ERBB4: variants seen among roughly 807,000 people sequenced by gnomAD.
ERBB4 encodes receptor tyrosine-protein kinase erbB-4.
Under a neutral mutation model 158.0 loss-of-function variants are expected in ERBB4, and 42 were observed. The ratio of observed to expected loss-of-function variants is 0.27; its 90% CI spans 0.21 to 0.34. The LOEUF (loss-of-function observed/expected upper bound fraction) is 0.34. ERBB4 is among the 10% of genes least tolerant of loss of function. ERBB4 has a pLI of 1.00. For missense variants in ERBB4, 1,333 were observed against 1,624.1 expected, an observed-to-expected ratio of 0.82 and a Z score of 3.08; for synonymous variants, 583 against 558.7, an observed-to-expected ratio of 1.04 and a Z score of -0.61.
At chr2:211,511,919 A>C (rs997066974) in intron 20 of ERBB4, among the ~76,000 whole-genome samples, 2 of 152,128 alleles carry the variant, frequency 1.3e-5, no homozygotes, top group Non-Finnish European at 2.9e-5. Context: ...ACTTACATGG[A>C]ACAATAAGGT....
intron 25 of ERBB4, among the ~76,000 whole-genome samples, chr2:211,395,711 T>G (rs2062900070): frequency 6.6e-6 from 1 of 152,088 alleles, no homozygotes; most frequent in African/African-American, 2.4e-5. Flanking sequence ...AATTAACATA[T>G]TAGTTAAAAG....
chr2:211,578,202 A>T (rs757957794), intron 19 of ERBB4, among the ~76,000 whole-genome samples: 1 of 152,134 alleles, frequency 6.6e-6, no homozygotes, highest in Non-Finnish European at 1.5e-5. Context: ...TCCCATTCAC[A>T]ATTGCTACAA....
chr2:212,386,833 G>A (rs2090692646), intron 1 of ERBB4, among the ~76,000 whole-genome samples: 1 of 151,916 alleles, frequency 6.6e-6, no homozygotes, highest in Admixed American at 6.6e-5. Context: ...TTTTAATATA[G>A]AGGTCATTAA....
chr2:212,209,490 C>T (rs59265615), intron 1 of ERBB4, among the ~76,000 whole-genome samples: 24,608 of 152,030 alleles, frequency 0.16, 2,420 homozygotes, highest in Non-Finnish European at 0.21. Context: ...ACATTTTGCT[C>T]GTCTACTCTC....
chr2:212,109,131 C>T (rs190073189), intron 2 of ERBB4, among the ~76,000 whole-genome samples: 6 of 152,244 alleles, frequency 3.9e-5, no homozygotes, highest in Admixed American at 3.9e-4. Context: ...AATGAACAAA[C>T]ATCTTTGGGT....
intron 2 of ERBB4, among the ~76,000 whole-genome samples, chr2:212,095,659 G>A (rs991265477): frequency 2.0e-5 from 3 of 152,146 alleles, no homozygotes; most frequent in African/African-American, 7.2e-5. Flanking sequence ...TTGGCCGGGC[G>A]CGGTGGCTCA....
chr2:212,234,854 T>C (rs1267090846), intron 1 of ERBB4, among the ~76,000 whole-genome samples: 1 of 152,094 alleles, frequency 6.6e-6, no homozygotes, highest in African/African-American at 2.4e-5. Flanking sequence ...TTTGTTTTTC[T>C]TTGTAGATTC....
At chr2:211,687,343 A>G (rs1037496755) in intron 12 of ERBB4, among the ~76,000 whole-genome samples, 2 of 151,716 alleles carry the variant, frequency 1.3e-5, no homozygotes, top group Admixed American at 1.3e-4. Flanking sequence ...ACGAAAAAAG[A>G]ACCCTCCCAC....
chr2:212,108,669 C>A (rs2079303705), intron 2 of ERBB4, among the ~76,000 whole-genome samples: 1 of 142,786 alleles, frequency 7.0e-6, no homozygotes. Context: ...CCAATCACTT[C>A]ACTAAACCTG....
At chr2:211,939,039 G>T (rs1238434839) in intron 3 of ERBB4, among the ~76,000 whole-genome samples, 2 of 152,100 alleles carry the variant, frequency 1.3e-5, no homozygotes, top group African/African-American at 4.8e-5. Context: ...CAATATTGTT[G>T]TATTGCACGT....
At chr2:211,753,301 T>C (rs898897960) in intron 4 of ERBB4, among the ~76,000 whole-genome samples, 8 of 151,834 alleles carry the variant, frequency 5.3e-5, no homozygotes, top group African/African-American at 1.7e-4. Flanking sequence ...CAAAATTTCC[T>C]ATAAGCATTC....
At chr2:211,779,133 C>T (rs949067545) in intron 4 of ERBB4, 1 of 152,184 alleles carries the variant, frequency 6.6e-6, no homozygotes, top group South Asian at 2.1e-4. Context: ...TGCAGACACA[C>T]GAGCATACAG....
In ERBB4 at chr2:211,995,065, C is replaced by G. The variant is rs149432504; in HGVS notation, c.235-47449G>C. ...TGCAACATGGAACACAACAAAAAAC[C>G]CTGAGTGGGGAGGATGCCCAGAGTC... On this transcript the variant is annotated intron_variant, in intron 2 of 27. Coordinates refer to ENST00000342788, the MANE Select transcript of ERBB4 (RefSeq NM_005235.3). Among the ~76,000 whole-genome samples, 1,027 of 152,246 alleles carry G rather than the reference C, an allele frequency of 6.7e-3. 9 individuals are homozygous for G. Among genetic ancestry groups the G allele is most frequent in the Non-Finnish European group, 0.011 (743 of 68,018 alleles).
chr2:211,691,591 T>TGTGTGG (rs2072819814), intron 12 of ERBB4, among the ~76,000 whole-genome samples: 1 of 146,432 alleles, frequency 6.8e-6, no homozygotes, highest in African/African-American at 2.6e-5. Flanking sequence ...TGTGTGTGTG[T>TGTGTGG]GTGTGTGTGT....
At chr2:211,791,514 T>TA (rs11348544) in intron 3 of ERBB4, among the ~76,000 whole-genome samples, 24 of 149,768 alleles carry the variant, frequency 1.6e-4, no homozygotes, top group South Asian at 4.2e-4. Context: ...GTGCAGAAGC[T>TA]AAAAAAAAAA....
intron 3 of ERBB4, among the ~76,000 whole-genome samples, chr2:211,890,563 T>C (rs1463946734): frequency 1.3e-5 from 2 of 149,036 alleles, no homozygotes; most frequent in Non-Finnish European, 1.5e-5. Flanking sequence ...CAATATTAAC[T>C]TTAAATGTAA....
intron 2 of ERBB4, among the ~76,000 whole-genome samples, chr2:212,079,174 A>G (rs1231043618): frequency 6.6e-6 from 1 of 150,708 alleles, no homozygotes; most frequent in Non-Finnish European, 1.5e-5. Context: ...AGCTGGAAAT[A>G]TTAGGTCAAA....
chr2:211,995,088 G>A (rs1246357552), intron 2 of ERBB4, among the ~76,000 whole-genome samples: 2 of 152,146 alleles, frequency 1.3e-5, no homozygotes, highest in South Asian at 4.1e-4. Flanking sequence ...GATGCCCAGA[G>A]TCACGTCTCT....
intron 1 of ERBB4, among the ~76,000 whole-genome samples, chr2:212,230,096 C>G (rs180791930): frequency 9.2e-5 from 14 of 152,178 alleles, no homozygotes; most frequent in Admixed American, 8.5e-4. Flanking sequence ...ATGAGCCTGG[C>G]CAACACGGTG....
Sources: gnomAD v4.1 joint callset for allele counts (sites outside exome capture counted in the v4.1 genomes callset) on GRCh38, gnomAD v4.1.1 for gene constraint, MANE v1.5 for transcripts, NCBI Gene and HGNC (gene_info 2026-07-23, HGNC 2026-07-21) for gene names.